CTNNA3: variants seen among roughly 807,000 people sequenced by gnomAD.
CTNNA3 encodes the protein catenin alpha-3.
In CTNNA3, 76 loss-of-function variants were observed where a neutral mutation model predicts 95.7. The observed-to-expected ratio is 0.79, with a 90% confidence interval of 0.66 to 0.96. CTNNA3 has a LOEUF of 0.96. Ranked by LOEUF, CTNNA3 falls within the 40% of genes least tolerant of loss-of-function variation. The probability of loss-of-function intolerance (pLI) is 0.00; values close to 1 mark genes in which losing one functional copy is unlikely to be tolerated. For missense variants in CTNNA3, 1,191 were observed against 1,089.8 expected (o/e 1.09, Z -1.31); for synonymous variants, 431 against 374.4 (o/e 1.15, Z -1.74).
chr10:67,159,292 CG>C (rs981153684), intron 7 of CTNNA3, among the ~76,000 whole-genome samples: 110 of 152,128 alleles, frequency 7.2e-4, no homozygotes, highest in Non-Finnish European at 1.0e-3. Flanking sequence ...TCGGGGAGCT[CG>C]GATTTTAAGG....
At chr10:67,731,760 C>G (rs1455470573) in intron 1 of CTNNA3, among the ~76,000 whole-genome samples, 8 of 151,040 alleles carry the variant, frequency 5.3e-5, no homozygotes, top group Non-Finnish European at 1.0e-4. Flanking sequence ...CGCGATTATG[C>G]CACTGCACTC....
Position 66,617,810 on chromosome 10 carries a change from C to A in CTNNA3, c.1374+3882G>T, listed in dbSNP as rs1297288761. Among the ~76,000 whole-genome samples, 56 of 151,834 alleles carry A rather than the reference C, an allele frequency of 3.7e-4. 1 individual carries two copies. The South Asian group carries it at 0.011, about 31-fold the overall frequency. ...ATGACATGATTGTATATCTAGAAAA[C>A]CCCACTGTCTCAGCCCAAAATCTCC... is the stretch of plus-strand genomic sequence containing the variant. On this transcript the variant is annotated intron_variant, in intron 10 of 17. Coordinates refer to ENST00000433211, the MANE Select transcript of CTNNA3 (RefSeq NM_013266.4).
Position 66,324,707 on chromosome 10 carries a change from C to T in CTNNA3, c.1733-44086G>A, listed in dbSNP as rs117912187. On this transcript the variant is annotated intron_variant, in intron 12 of 17. Coordinates refer to ENST00000433211, the MANE Select transcript of CTNNA3 (RefSeq NM_013266.4). ...GTCCTGCATGGGGGATCAGGGAACT[C>T]TTCAGTTTCATGATGACAAGATGCT... Among the ~76,000 whole-genome samples the T allele has an allele frequency of 2.2e-3, 332 of 152,104 alleles. 5 individuals are homozygous for T. Among genetic ancestry groups the T allele is most frequent in the Non-Finnish European group, 2.0e-3 (135 of 67,966 alleles).
intron 7 of CTNNA3, among the ~76,000 whole-genome samples, chr10:67,027,310 T>C (rs1350970706): frequency 2.0e-5 from 3 of 152,210 alleles, no homozygotes; most frequent in African/African-American, 7.2e-5. Flanking sequence ...ACTGAAAGTT[T>C]TACATCTGAC....
At chr10:66,597,525 T>C (rs1436885048) in intron 10 of CTNNA3, among the ~76,000 whole-genome samples, 9 of 105,080 alleles carry the variant, frequency 8.6e-5, no homozygotes, top group East Asian at 7.3e-4. Flanking sequence ...TATATATATA[T>C]ATATATATAT....
At chr10:66,597,547 TATATA>T (rs1564558042) in intron 10 of CTNNA3, among the ~76,000 whole-genome samples, 40 of 130,906 alleles carry the variant, frequency 3.1e-4, no homozygotes, top group East Asian at 1.7e-3. Flanking sequence ...TATATATATA[TATATA>T]TATTTATTAA....
chr10:66,186,092 G>A (rs1371085429), intron 13 of CTNNA3, among the ~76,000 whole-genome samples: 1 of 152,006 alleles, frequency 6.6e-6, no homozygotes, highest in East Asian at 1.9e-4. Context: ...CTGAACTAAT[G>A]TGTATTTCAA....
intron 5 of CTNNA3, among the ~76,000 whole-genome samples, chr10:67,471,299 G>C (rs959544032): frequency 3.9e-5 from 6 of 152,156 alleles, no homozygotes; most frequent in African/African-American, 1.2e-4. Flanking sequence ...GTCCCCTCTA[G>C]GGTAAAACTG....
At chr10:67,706,829 G>A (rs144543485) in intron 1 of CTNNA3, among the ~76,000 whole-genome samples, 14 of 152,226 alleles carry the variant, frequency 9.2e-5, no homozygotes, top group African/African-American at 3.4e-4. Flanking sequence ...TCCTAGTCCA[G>A]ACCTCTCTCA....
chr10:67,233,434 G>A (rs1453985296), intron 5 of CTNNA3, among the ~76,000 whole-genome samples: 1 of 146,718 alleles, frequency 6.8e-6, no homozygotes, highest in Non-Finnish European at 1.5e-5. Context: ...CGAAATGAAG[G>A]CAGAAATAAA....
At chr10:67,646,464 CAT>C (rs113742340) in intron 2 of CTNNA3, among the ~76,000 whole-genome samples, 30 of 152,092 alleles carry the variant, frequency 2.0e-4, no homozygotes, top group African/African-American at 6.7e-4. Flanking sequence ...CAGGGATGCA[CAT>C]GTTTTGAATT....
chr10:67,694,377 G>A (rs1840924989), intron 1 of CTNNA3, among the ~76,000 whole-genome samples: 2 of 151,984 alleles, frequency 1.3e-5, no homozygotes, highest in South Asian at 4.2e-4. Flanking sequence ...GGTAGACTAG[G>A]AATTTTACAA....
intron 12 of CTNNA3, among the ~76,000 whole-genome samples, chr10:66,360,695 TCTTTCTTTCTTTCCTCCTTCCTTTCTTC>T: frequency 1.6e-5 from 1 of 60,626 alleles, no homozygotes. Context: ...TCCTTCCTTT[TCTTTCTTTCTTTCCTCCTTCCTTTCTTC>T]CTTTCTTTCT....
chr10:66,472,318 G>A (rs1407287647), intron 11 of CTNNA3, among the ~76,000 whole-genome samples: 1 of 151,822 alleles, frequency 6.6e-6, no homozygotes, highest in East Asian at 1.9e-4. Flanking sequence ...CTACAGCAAA[G>A]ACATCTCCCC....
At chr10:67,305,146 G>A (rs1202715264) in intron 5 of CTNNA3, among the ~76,000 whole-genome samples, 2 of 151,952 alleles carry the variant, frequency 1.3e-5, no homozygotes, top group Non-Finnish European at 2.9e-5. Flanking sequence ...AGTGGTGGGG[G>A]GCGCCCGTAG....
At chr10:66,158,144 C>T (rs972410809) in intron 13 of CTNNA3, among the ~76,000 whole-genome samples, 1 of 151,918 alleles carries the variant, frequency 6.6e-6, no homozygotes, top group Non-Finnish European at 1.5e-5. Flanking sequence ...TTCCTTTGGC[C>T]GTGCAAAAGC....
intron 3 of CTNNA3, among the ~76,000 whole-genome samples, chr10:67,565,826 T>C (rs1841746152): frequency 7.1e-6 from 1 of 141,552 alleles, no homozygotes; most frequent in African/African-American, 2.6e-5. Context: ...AGAACTACCA[T>C]TGCATCCAGC....
At chr10:67,716,396 A>G (rs1340775028) in intron 1 of CTNNA3, among the ~76,000 whole-genome samples, 1 of 152,140 alleles carries the variant, frequency 6.6e-6, no homozygotes, top group Non-Finnish European at 1.5e-5. Context: ...ATAGGTATAT[A>G]CGTGCCATGG....
chr10:67,323,150 C>T (rs2620921), intron 5 of CTNNA3, among the ~76,000 whole-genome samples: 129,196 of 152,112 alleles, frequency 0.85, 56,810 homozygotes, highest in Non-Finnish European at 0.96. Context: ...GCTAAAATTG[C>T]CTCCCATTCT....
Sources: gnomAD v4.1 joint callset for allele counts (sites outside exome capture counted in the v4.1 genomes callset) on GRCh38, gnomAD v4.1.1 for gene constraint, MANE v1.5 for transcripts, NCBI Gene and HGNC (gene_info 2026-07-23, HGNC 2026-07-21) for gene names.